Variants in CPAP observed in about 807,000 individuals in gnomAD.
The protein encoded by CPAP is centrosomal P4.1-associated protein.
the CPAP span, chr13:24,882,861 C>T: frequency 3.0e-6 from 1 of 337,390 alleles, no homozygotes; most frequent in Middle Eastern, 9.3e-4. Context: ...TGATGTACTT[C>T]CTGTACTTCT....
the CPAP span, chr13:24,933,397 C>G: frequency 3.5e-6 from 1 of 289,036 alleles, no homozygotes; most frequent in Non-Finnish European, 6.5e-6. Context: ...AGAGCACAGC[C>G]AAATATGAAA....
the CPAP span, chr13:24,892,660 T>C: frequency 4.4e-5 from 71 of 1,613,906 alleles, no homozygotes; most frequent in Non-Finnish European, 5.7e-5. Flanking sequence ...TTGTCCTTCT[T>C]CTCCACCTCG....
chr13:24,907,929 T>C, the CPAP span: 20 of 992,894 alleles, frequency 2.0e-5, no homozygotes, highest in African/African-American at 2.1e-4. Context: ...CAGAAAAATA[T>C]AGATCTTTCA....
chr13:24,923,321 C>T, the CPAP span, among the ~76,000 whole-genome samples: 2 of 151,072 alleles, frequency 1.3e-5, no homozygotes, highest in Non-Finnish European at 2.9e-5. Flanking sequence ...TTGTTTTCCG[C>T]TTTGGCTGAG....
At chr13:24,893,553 G>A in the CPAP span, among the ~76,000 whole-genome samples, 1 of 152,248 alleles carries the variant, frequency 6.6e-6, no homozygotes, top group Non-Finnish European at 1.5e-5. Flanking sequence ...TGAGGATGGA[G>A]AGGACATCTG....
At chr13:24,909,465 T>C in the CPAP span, among the ~76,000 whole-genome samples, 1 of 151,604 alleles carries the variant, frequency 6.6e-6, no homozygotes, top group East Asian at 1.9e-4. Context: ...GAGGCAGAGG[T>C]TGCAGTGAGC....
the CPAP span, chr13:24,884,337 G>A: frequency 6.8e-6 from 11 of 1,614,092 alleles, no homozygotes; most frequent in Non-Finnish European, 9.3e-6. Flanking sequence ...CTTTGGTCTG[G>A]CATGACCTGC....
the CPAP span, among the ~76,000 whole-genome samples, chr13:24,921,711 G>A: frequency 3.3e-5 from 5 of 151,754 alleles, no homozygotes; most frequent in African/African-American, 4.8e-5. Flanking sequence ...AATTCAGAAG[G>A]GAGACAAACT....
chr13:24,887,516 T>C, the CPAP span, among the ~76,000 whole-genome samples: 1 of 152,214 alleles, frequency 6.6e-6, no homozygotes, highest in South Asian at 2.1e-4. Context: ...GGATCCAGGT[T>C]GCACGCTCCT....
chr13:24,931,289 G>T, the CPAP span, among the ~76,000 whole-genome samples: 2 of 84,722 alleles, frequency 2.4e-5, no homozygotes, highest in Admixed American at 1.1e-4. Context: ...CTTTGATTTG[G>T]CCATTTTTTC....
chr13:24,922,890 G>A, the CPAP span: 1 of 152,598 alleles, frequency 6.6e-6, no homozygotes, highest in African/African-American at 2.4e-5. Flanking sequence ...TGTGGGAAGT[G>A]AGGATCTCAC....
the CPAP span, among the ~76,000 whole-genome samples, chr13:24,919,536 C>G: frequency 2.6e-5 from 4 of 151,774 alleles, no homozygotes; most frequent in African/African-American, 9.7e-5. Context: ...CCTCCCACCT[C>G]AAGCCTCCGG....
chr13:24,884,455 C>G, the CPAP span: 1 of 1,613,936 alleles, frequency 6.2e-7, no homozygotes, highest in South Asian at 1.1e-5. Flanking sequence ...TCTTATAAAC[C>G]TTTTCCACCT....
At chr13:24,910,203 C>T in the CPAP span, 3 of 951,738 alleles carry the variant, frequency 3.2e-6, no homozygotes, top group Middle Eastern at 3.1e-4. Flanking sequence ...TATTTTTTCC[C>T]TTTATTAGGA....
the CPAP span, chr13:24,909,973 G>A: frequency 6.2e-7 from 1 of 1,614,124 alleles, no homozygotes; most frequent in African/African-American, 1.3e-5. Flanking sequence ...GTTTCTTCCT[G>A]GGTTGGGTCC....
the CPAP span, chr13:24,906,133 G>A: frequency 6.2e-7 from 1 of 1,613,308 alleles, no homozygotes; most frequent in Admixed American, 1.7e-5. Context: ...CCTCACTGCG[G>A]TTACAATGAC....
At chr13:24,921,530 G>A in the CPAP span, among the ~76,000 whole-genome samples, 1 of 152,082 alleles carries the variant, frequency 6.6e-6, no homozygotes, top group Non-Finnish European at 1.5e-5. Flanking sequence ...TAAGATTAGC[G>A]CACTTTACTG....
chr13:24,891,295 G>C, the CPAP span, among the ~76,000 whole-genome samples: 1 of 152,030 alleles, frequency 6.6e-6, no homozygotes, highest in Admixed American at 6.6e-5. Flanking sequence ...TCACAGCCCT[G>C]CTGGCCTCTC....
the CPAP span, among the ~76,000 whole-genome samples, chr13:24,884,926 C>G: frequency 6.6e-6 from 1 of 152,190 alleles, no homozygotes; most frequent in African/African-American, 2.4e-5. Context: ...AGCTGGAACC[C>G]CCAGGCAGTT....
Sources: allele counts gnomAD v4.1 joint callset (sites outside exome capture counted in the v4.1 genomes callset), GRCh38; gene constraint gnomAD v4.1.1; transcripts MANE v1.5; gene names NCBI Gene and HGNC (gene_info 2026-07-23, HGNC 2026-07-21).